The following PUM1 variants were observed in gnomAD, a reference collection of about 807,000 sequenced individuals.
PUM1 encodes pumilio homolog 1.
In PUM1, 13 loss-of-function variants were observed where a neutral mutation model predicts 131.8. The ratio of observed to expected loss-of-function variants is 0.10; its 90% CI spans 0.06 to 0.16. The LOEUF (loss-of-function observed/expected upper bound fraction) is 0.16. Ranked by LOEUF, PUM1 falls within the 10% of genes least tolerant of loss-of-function variation. The pLI is 1.00. For missense variants in PUM1, 961 were observed against 1,512.4 expected (o/e 0.64, Z 6.05); for synonymous variants, 509 against 556.5 (o/e 0.91, Z 1.20).
intron 14 of PUM1, among the ~76,000 whole-genome samples, chr1:30,963,998 C>CA (rs1156638527): frequency 1.3e-5 from 2 of 151,174 alleles, no homozygotes; most frequent in Non-Finnish European, 3.0e-5. Flanking sequence ...GATTTGCCAC[C>CA]AAAAAAAAGG....
At chr1:31,028,689 A>G in intron 3 of PUM1, 107 bp downstream of exon 3, 1 of 974,296 alleles carries the variant, frequency 1.0e-6, no homozygotes, top group Non-Finnish European at 1.6e-6. Context: ...CAACAAGGAA[A>G]AGCAAGCACA....
At chr1:31,046,809 A>C (rs76381658) in intron 2 of PUM1, among the ~76,000 whole-genome samples, 22,262 of 152,092 alleles carry the variant, frequency 0.15, 1,768 homozygotes, top group East Asian at 0.24. Context: ...TTCAGGGCCA[A>C]GTTCTTTAAC....
In PUM1 at chr1:30,950,360, C is replaced by T. The variant is rs184773306; in HGVS notation, c.2722-99G>A. ...ATTCTGCATCAACCACTGGCATAACCTCTTTTAGCCCTGATACCCATGATT... is the reference window on the plus strand; with the variant it reads ...ATTCTGCATCAACCACTGGCATAACTTCTTTTAGCCCTGATACCCATGATT... On this transcript the variant is annotated intron_variant, in intron 16 of 21. Coordinates refer to ENST00000426105, the MANE Select transcript of PUM1 (RefSeq NM_001020658.2). The T allele has an allele frequency of 2.3e-6, 3 of 1,282,672 alleles. No homozygotes were observed. In the East Asian group the frequency reaches 7.2e-5, roughly 31 times the overall value. The allele number at this position is 1,282,672 out of a possible 1,614,324, so 79.5% of individuals were successfully genotyped here.
intron 2 of PUM1, among the ~76,000 whole-genome samples, chr1:31,048,696 A>G (rs1312820915): frequency 2.0e-5 from 3 of 151,490 alleles, no homozygotes; most frequent in African/African-American, 7.3e-5. Flanking sequence ...GGACAGTCTC[A>G]ATCTCCTGAC....
rs764155039 is a variant in PUM1, at chr1:30,936,781, G to A, written c.3297C>T (p.Leu1099=). 39 of 1,614,026 alleles carry A rather than the reference G, an allele frequency of 2.4e-5. No individual in the cohort carries two copies. Among genetic ancestry groups the A allele is most frequent in the Non-Finnish European group, 3.2e-5 (38 of 1,179,878 alleles). ...CGTTCATGGTGCACACCTCATCGAT[G>A]AGCACAGCGCGCTCCGTACGTGAGG... is the stretch of plus-strand genomic sequence containing the variant. ...THASRTERAV[L]IDEVCTMNDG... Residue 1099 remains leucine (L), a synonymous_variant, in exon 21 of 22, where the codon CTC becomes CTT. Transcript: ENST00000426105.
intron 20 of PUM1, among the ~76,000 whole-genome samples, chr1:30,940,525 C>A (rs546235354): frequency 6.6e-6 from 1 of 152,220 alleles, no homozygotes; most frequent in East Asian, 1.9e-4. Context: ...TCCTGTCCTG[C>A]CTTGCAATTT....
intron 3 of PUM1, among the ~76,000 whole-genome samples, chr1:31,017,986 G>A (rs959593462): frequency 1.3e-5 from 2 of 152,206 alleles, no homozygotes; most frequent in Non-Finnish European, 2.9e-5. Context: ...AACTGTGGAA[G>A]TAGGGGCAAG....
intron 17 of PUM1, among the ~76,000 whole-genome samples, chr1:30,945,877 C>T (rs550657642): frequency 6.6e-6 from 1 of 152,248 alleles, no homozygotes; most frequent in Non-Finnish European, 1.5e-5. Context: ...CCTCCGCCTC[C>T]CAGGTTCAAG....
At chr1:30,957,994 G>C (rs1349160552) in intron 14 of PUM1, among the ~76,000 whole-genome samples, 2 of 152,200 alleles carry the variant, frequency 1.3e-5, no homozygotes, top group Non-Finnish European at 2.9e-5. Flanking sequence ...TGGTTTTACA[G>C]CTGATACGTC....
chr1:31,054,454 A>T (rs989322087), intron 2 of PUM1, among the ~76,000 whole-genome samples: 1 of 148,816 alleles, frequency 6.7e-6, no homozygotes, highest in African/African-American at 2.5e-5. Context: ...AGCCTGTGAT[A>T]TTCTTTACTT....
chr1:31,059,261 G>A lies in PUM1; in HGVS notation c.306C>T (p.Gly102=). ...QLGGGGSGGG[G]YNNSKHRWPT... ...GCCATCGATGTTTGCTATTATTATAGCCGCCTCCTCCACTTCCTCCTCCCC... is the reference window on the plus strand; with the variant it reads ...GCCATCGATGTTTGCTATTATTATAACCGCCTCCTCCACTTCCTCCTCCCC... The change falls in exon 2 of 22, where the codon GGC becomes GGT. Residue 102 remains glycine (G), a synonymous_variant. Transcript: ENST00000426105. 1 of 1,612,856 alleles carries A rather than the reference G, an allele frequency of 6.2e-7. No homozygotes were observed. Among genetic ancestry groups the A allele is most frequent in the Non-Finnish European group, 8.5e-7 (1 of 1,179,472 alleles).
chr1:31,048,601 A>G (rs1644029250), intron 2 of PUM1, among the ~76,000 whole-genome samples: 1 of 151,504 alleles, frequency 6.6e-6, no homozygotes, highest in Admixed American at 6.6e-5. Flanking sequence ...CAGCCTCCCA[A>G]GTAGCTGGGA....
intron 14 of PUM1, 115 bp downstream of exon 14, chr1:30,964,559 C>A: frequency 1.1e-6 from 1 of 882,370 alleles, no homozygotes. Flanking sequence ...GCACAGAACA[C>A]CCAGGACACT....
At chr1:31,058,616 C>G (rs973271588) in intron 2 of PUM1, among the ~76,000 whole-genome samples, 5 of 147,188 alleles carry the variant, frequency 3.4e-5, no homozygotes, top group Non-Finnish European at 5.9e-5. Context: ...GAGCAGAGAT[C>G]GCGCCAGTGC....
intron 2 of PUM1, among the ~76,000 whole-genome samples, chr1:31,056,598 C>CCTTTT (rs772254478): frequency 0.013 from 1,615 of 126,016 alleles, 64 homozygotes; most frequent in Non-Finnish European, 0.02. Flanking sequence ...TGAAAACCTT[C>CCTTTT]CTTTTCTTTT....
intron 2 of PUM1, among the ~76,000 whole-genome samples, chr1:31,056,498 G>T (rs565379236): frequency 6.6e-6 from 1 of 151,596 alleles, no homozygotes; most frequent in Admixed American, 6.6e-5. Context: ...GGCCAGGCTG[G>T]TCTTGAACTC....
At chr1:31,021,822 T>C (rs907471131) in intron 3 of PUM1, among the ~76,000 whole-genome samples, 1 of 152,054 alleles carries the variant, frequency 6.6e-6, no homozygotes, top group Non-Finnish European at 1.5e-5. Flanking sequence ...AAGCTAAATC[T>C]TGAATAAGTA....
intron 2 of PUM1, chr1:31,055,357 A>G: frequency 2.2e-6 from 1 of 456,230 alleles, no homozygotes; most frequent in South Asian, 1.5e-5. Context: ...TCATTCAATC[A>G]ACACGAAAGT....
chr1:30,991,122 A>G (rs1346995181), intron 7 of PUM1, among the ~76,000 whole-genome samples: 1 of 152,104 alleles, frequency 6.6e-6, no homozygotes, highest in Non-Finnish European at 1.5e-5. Flanking sequence ...TCTGAGACAA[A>G]CCCTTCTTAA....
Sources: allele counts gnomAD v4.1 joint callset (sites outside exome capture counted in the v4.1 genomes callset), GRCh38; gene constraint gnomAD v4.1.1; transcripts MANE v1.5; gene names NCBI Gene and HGNC (gene_info 2026-07-23, HGNC 2026-07-21).